The following LRRTM3 variants were observed in gnomAD, a reference collection of about 807,000 sequenced individuals.
The protein encoded by LRRTM3 is leucine rich repeat transmembrane neuronal 3.
LRRTM3 carries 24 observed loss-of-function variants against 44.7 expected under a neutral mutation model. That is an observed-to-expected ratio of 0.54 (90% confidence interval 0.39 to 0.76). The LOEUF (loss-of-function observed/expected upper bound fraction) is 0.76, where lower values mean the gene tolerates loss of function less well. Among genes scored for constraint, LRRTM3 ranks in the 30% least tolerant of loss-of-function variants. LRRTM3 has a pLI of 0.00. For synonymous variants in LRRTM3, 277 were observed against 278.7 expected, an observed-to-expected ratio of 0.99 and a Z score of 0.06; for missense variants, 587 against 702.2, an observed-to-expected ratio of 0.84 and a Z score of 1.85.
intron 2 of LRRTM3, among the ~76,000 whole-genome samples, chr10:66,955,968 G>C (rs1848768680): frequency 1.3e-5 from 2 of 152,114 alleles, no homozygotes; most frequent in African/African-American, 4.8e-5. Flanking sequence ...ATGGAGTAGT[G>C]CTCTGCCAGA....
At chr10:66,971,854 A>G (rs1170157032) in intron 2 of LRRTM3, among the ~76,000 whole-genome samples, 1 of 151,826 alleles carries the variant, frequency 6.6e-6, no homozygotes, top group Non-Finnish European at 1.5e-5. Flanking sequence ...AATATTTCTC[A>G]TTTCTGAGCC....
chr10:66,962,710 C>T (rs973650171), intron 2 of LRRTM3, among the ~76,000 whole-genome samples: 1 of 152,066 alleles, frequency 6.6e-6, no homozygotes, highest in Non-Finnish European at 1.5e-5. Context: ...CGTGCCTGGC[C>T]CACCTCCTCT....
At chr10:67,065,578 C>G (rs1856025583) in intron 2 of LRRTM3, among the ~76,000 whole-genome samples, 1 of 152,008 alleles carries the variant, frequency 6.6e-6, no homozygotes, top group Non-Finnish European at 1.5e-5. Context: ...TTAGAAATGG[C>G]AATATGACTG....
At chr10:67,049,512 T>C (rs74141773) in intron 2 of LRRTM3, among the ~76,000 whole-genome samples, 1,658 of 152,220 alleles carry the variant, frequency 0.011, 35 homozygotes, top group African/African-American at 0.038. Flanking sequence ...ACTCACCCAG[T>C]TTACTGATAA....
chr10:67,039,394 A>G (rs1341951414), intron 2 of LRRTM3, among the ~76,000 whole-genome samples: 1 of 152,174 alleles, frequency 6.6e-6, no homozygotes, highest in Non-Finnish European at 1.5e-5. Context: ...GAAAAAGCCT[A>G]GTATTAGAAA....
intron 2 of LRRTM3, among the ~76,000 whole-genome samples, chr10:66,949,809 T>C (rs1257030644): frequency 6.8e-6 from 1 of 147,672 alleles, no homozygotes; most frequent in Non-Finnish European, 1.5e-5. Context: ...CCTAAAAGGA[T>C]AGCTTTCTCA....
At chr10:67,006,028 C>G (rs1350721739) in intron 2 of LRRTM3, among the ~76,000 whole-genome samples, 1 of 151,882 alleles carries the variant, frequency 6.6e-6, no homozygotes, top group Non-Finnish European at 1.5e-5. Flanking sequence ...AATTATTCAG[C>G]ATCTTATCTC....
In LRRTM3 at chr10:66,926,218, A is replaced by C. The variant is rs544947041; in HGVS notation, c.-366A>C. On this transcript the variant is annotated 5_prime_UTR_variant, in exon 1 of 3. Transcript: ENST00000361320. ...CTCAGGTAGCCCCAAATTGCCTGGAAGAATACATCATGTTTTTCGATAAGA... is the reference window on the plus strand; with the variant it reads ...CTCAGGTAGCCCCAAATTGCCTGGACGAATACATCATGTTTTTCGATAAGA... 17 of 448,818 alleles carry C rather than the reference A, an allele frequency of 3.8e-5. No homozygotes were observed. Among genetic ancestry groups the C allele is most frequent in the Non-Finnish European group, 6.9e-5 (16 of 232,570 alleles). The allele number at this position is 448,818 out of a possible 1,614,324, so 27.8% of individuals were successfully genotyped here.
At chr10:66,988,843 G>T (rs1172761801) in intron 2 of LRRTM3, among the ~76,000 whole-genome samples, 3 of 151,442 alleles carry the variant, frequency 2.0e-5, no homozygotes, top group African/African-American at 7.3e-5. Flanking sequence ...CTGAAACTCT[G>T]CCCTCCTCCC....
intron 2 of LRRTM3, among the ~76,000 whole-genome samples, chr10:67,073,192 A>C (rs1234184728): frequency 6.6e-6 from 1 of 152,172 alleles, no homozygotes; most frequent in African/African-American, 2.4e-5. Flanking sequence ...TATCTAATTT[A>C]TTTGGTTTGT....
At chr10:67,038,647 T>C (rs1854211366) in intron 2 of LRRTM3, among the ~76,000 whole-genome samples, 1 of 152,078 alleles carries the variant, frequency 6.6e-6, no homozygotes, top group South Asian at 2.1e-4. Context: ...AACCAAGTAC[T>C]TGTCAACCAA....
At chr10:67,015,494 T>C (rs1030019530) in intron 2 of LRRTM3, 1 of 152,178 alleles carries the variant, frequency 6.6e-6, no homozygotes, top group Non-Finnish European at 1.5e-5. Context: ...TAATTGCTTC[T>C]CTGGGTTCTC....
chr10:66,955,570 A>G (rs1185446108), intron 2 of LRRTM3, among the ~76,000 whole-genome samples: 1 of 152,168 alleles, frequency 6.6e-6, no homozygotes, highest in Non-Finnish European at 1.5e-5. Context: ...ATTGCCTCTC[A>G]TAACAGCTGG....
rs761844315 is a variant in LRRTM3, at chr10:66,928,176, C to T, written c.1260C>T (p.Ile420=). The T allele has an allele frequency of 6.2e-7, 1 of 1,614,120 alleles. No homozygotes were observed. Among genetic ancestry groups the T allele is most frequent in the South Asian group, 1.1e-5 (1 of 91,074 alleles). The change falls in exon 2 of 3, where the codon ATC becomes ATT. Residue 420 remains isoleucine (I), a synonymous_variant. Coordinates refer to ENST00000361320, the MANE Select transcript of LRRTM3 (RefSeq NM_178011.5). ...ADAEHISFHK[I]IAGSVALFLS... ...CCGAGCACATCTCTTTCCATAAAAT[C>T]ATCGCGGGCAGCGTGGCGCTTTTCC...
rs536804566 is a variant in LRRTM3 at position 67,046,744 on chromosome 10, A to C, written c.1537-50843A>C. On this transcript the variant is annotated intron_variant, in intron 2 of 2. Transcript: ENST00000361320. ...TTTGTTACCATTATCCTTCTCTCTA[A>C]AATCTAGTTCTGAATAAATAAAAGC... Among the ~76,000 whole-genome samples, 5 of 152,292 alleles carry C rather than the reference A, an allele frequency of 3.3e-5. No individual in the cohort carries two copies. In the South Asian group the frequency reaches 1.0e-3, roughly 32 times the overall value.
At chr10:67,068,638 C>T (rs562107639) in intron 2 of LRRTM3, among the ~76,000 whole-genome samples, 1 of 152,248 alleles carries the variant, frequency 6.6e-6, no homozygotes, top group South Asian at 2.1e-4. Context: ...ATGAGAGTGA[C>T]ATCAGAAAAG....
At chr10:67,025,127 G>A (rs1853276422) in intron 2 of LRRTM3, among the ~76,000 whole-genome samples, 1 of 42,554 alleles carries the variant, frequency 2.3e-5, no homozygotes, top group South Asian at 1.6e-3. Context: ...GCAAAACTCT[G>A]TCAAAAACAA....
At chr10:67,070,424 A>C (rs963586554) in intron 2 of LRRTM3, among the ~76,000 whole-genome samples, 6 of 151,956 alleles carry the variant, frequency 3.9e-5, no homozygotes, top group African/African-American at 1.4e-4. Context: ...CTCTCTCTAT[A>C]TATATATTTT....
At chr10:67,049,711 T>C (rs577191862) in intron 2 of LRRTM3, among the ~76,000 whole-genome samples, 106 of 152,310 alleles carry the variant, frequency 7.0e-4, no homozygotes, top group African/African-American at 2.5e-3. Context: ...ATTCTCTACA[T>C]AGAAAACTGC....
Sources: allele counts gnomAD v4.1 joint callset (sites outside exome capture counted in the v4.1 genomes callset), GRCh38; gene constraint gnomAD v4.1.1; transcripts MANE v1.5; gene names NCBI Gene and HGNC (gene_info 2026-07-23, HGNC 2026-07-21).